The following SAMD4A variants were observed in gnomAD, a reference collection of about 807,000 sequenced individuals.
The protein encoded by SAMD4A is sterile alpha motif domain containing 4A, also known as protein Smaug homolog 1.
A neutral mutation model predicts 81.3 loss-of-function variants in SAMD4A; 33 were observed. That is an observed-to-expected ratio of 0.41 (90% CI 0.31 to 0.54). The LOEUF is 0.54. SAMD4A is among the 20% of genes least tolerant of loss of function. SAMD4A has a pLI of 0.37. For missense variants in SAMD4A, 854 were observed against 951.1 expected (o/e 0.90, Z 1.34); for synonymous variants, 389 against 382.1 (o/e 1.02, Z -0.21).
At chr14:54,689,024 C>T (rs145031276) in intron 2 of SAMD4A, among the ~76,000 whole-genome samples, 2 of 148,806 alleles carry the variant, frequency 1.3e-5, no homozygotes, top group East Asian at 3.9e-4. Context: ...CTCCTTCTCC[C>T]GAGTTCAAGC....
rs191726482 is a variant in SAMD4A, at chr14:54,649,565, G to A, written c.197-52497G>A. Among the ~76,000 whole-genome samples, 670 of 152,290 alleles carry A rather than the reference G, an allele frequency of 4.4e-3. 4 individuals are homozygous for A. The highest frequency in any genetic ancestry group is 6.7e-3 in the Non-Finnish European group (458 of 68,018). On this transcript the variant is annotated intron_variant, in intron 2 of 12. Coordinates refer to ENST00000554335, the MANE Select transcript of SAMD4A (RefSeq NM_015589.6). Reference sequence around the variant, plus strand: ...TTTAGTACCTGACGACATAGCAACTGGGTAGAAGTCAAGCTATAGGATGAC... The same window carrying A: ...TTTAGTACCTGACGACATAGCAACTAGGTAGAAGTCAAGCTATAGGATGAC...
intron 2 of SAMD4A, among the ~76,000 whole-genome samples, chr14:54,644,448 T>G (rs1341034730): frequency 2.6e-5 from 4 of 152,212 alleles, no homozygotes; most frequent in African/African-American, 9.6e-5. Flanking sequence ...TGACAGAAAT[T>G]CGTTCATTTC....
At position 54,695,403 on chromosome 14, in the gene SAMD4A, A is replaced by T. The variant is rs532932541; in HGVS notation, c.197-6659A>T. Among the ~76,000 whole-genome samples the T allele has an allele frequency of 2.0e-4, 30 of 152,356 alleles. No individual in the cohort carries two copies. The East Asian group carries it at 5.8e-3, about 29-fold the overall frequency. The stretch of plus-strand genomic sequence containing the variant: ...TGGCAGGAGGCCTGAACTCCTCCCC[A>T]TACAGGTCTCTCCCTGGGATGCCTG... On this transcript the variant is annotated intron_variant, in intron 2 of 12. Transcript: ENST00000554335.
chr14:54,610,966 A>G (rs984220082), intron 2 of SAMD4A, among the ~76,000 whole-genome samples: 2 of 152,248 alleles, frequency 1.3e-5, no homozygotes, highest in African/African-American at 4.8e-5. Flanking sequence ...GTTTCACCTA[A>G]TGATGATAGT....
At chr14:54,590,145 G>A (rs2033735012) in intron 2 of SAMD4A, among the ~76,000 whole-genome samples, 1 of 152,176 alleles carries the variant, frequency 6.6e-6, no homozygotes, top group Admixed American at 6.5e-5. Flanking sequence ...GCATGCTTGT[G>A]ATGTGTCTGG....
chr14:54,722,715 T>G (rs1406335103), intron 3 of SAMD4A, among the ~76,000 whole-genome samples: 4 of 152,208 alleles, frequency 2.6e-5, no homozygotes, highest in Non-Finnish European at 5.9e-5. Flanking sequence ...ATCATGTATT[T>G]AATGTTTCTT....
chr14:54,682,754 G>A (rs751831285), intron 2 of SAMD4A, among the ~76,000 whole-genome samples: 1 of 152,152 alleles, frequency 6.6e-6, no homozygotes, highest in Non-Finnish European at 1.5e-5. Context: ...AAATTAAAGC[G>A]TAAAAGGAAA....
At chr14:54,786,794 G>T in intron 12 of SAMD4A, among the ~76,000 whole-genome samples, 1 of 152,218 alleles carries the variant, frequency 6.6e-6, no homozygotes, top group Non-Finnish European at 1.5e-5. Context: ...TCATTGAAAA[G>T]ACTTCGTTTT....
intron 2 of SAMD4A, chr14:54,681,724 G>A (rs950996640): frequency 2.5e-5 from 23 of 913,098 alleles, no homozygotes; most frequent in African/African-American, 2.1e-4. Flanking sequence ...GAGCCACCAC[G>A]CCCTGCCTTT....
intron 2 of SAMD4A, among the ~76,000 whole-genome samples, chr14:54,673,797 T>A (rs188652907): frequency 1.3e-5 from 2 of 152,368 alleles, no homozygotes; most frequent in Non-Finnish European, 2.9e-5. Context: ...TTGACTGAGC[T>A]GAAGGGAGAT....
At chr14:54,626,059 T>TGTGCGCGCGCGC (rs368142521) in intron 2 of SAMD4A, among the ~76,000 whole-genome samples, 13 of 102,096 alleles carry the variant, frequency 1.3e-4, no homozygotes, top group Admixed American at 1.9e-4. Context: ...TGTGTGTGTG[T>TGTGCGCGCGCGC]GCGCGCGCGC....
chr14:54,782,932 G>C (rs922973279), intron 11 of SAMD4A, among the ~76,000 whole-genome samples: 2 of 152,196 alleles, frequency 1.3e-5, no homozygotes, highest in African/African-American at 4.8e-5. Context: ...GAGCAGGCAA[G>C]TGGCCTGCAG....
At chr14:54,687,896 G>A (rs2036319004) in intron 2 of SAMD4A, 2 of 963,892 alleles carry the variant, frequency 2.1e-6, no homozygotes, top group Non-Finnish European at 2.5e-6. Context: ...CCCTGAATGG[G>A]GCTGGGCTGC....
chr14:54,785,367 G>A (rs77373679), intron 12 of SAMD4A, among the ~76,000 whole-genome samples: 2,546 of 152,362 alleles, frequency 0.017, 40 homozygotes, highest in South Asian at 0.05. Context: ...CTCCCTCCTG[G>A]TACTAAGCGG....
At chr14:54,717,440 C>CAAAA (rs921636353) in intron 3 of SAMD4A, among the ~76,000 whole-genome samples, 1 of 98,914 alleles carries the variant, frequency 1.0e-5, no homozygotes, top group Non-Finnish European at 2.1e-5. Context: ...GACCCTGTCT[C>CAAAA]AAAAAAAAAA....
rs758756707 is a variant in SAMD4A, at chr14:54,702,288, T to C, written c.423T>C (p.Ser141=). ...CAGCCACTTCGTTAGAAGACCGTAGTGCTTTAGCCATGTGGCTGAATCACT... is the reference window on the plus strand; with the variant it reads ...CAGCCACTTCGTTAGAAGACCGTAGCGCTTTAGCCATGTGGCTGAATCACT... ...IHPATSLEDR[S]ALAMWLNHLE... Residue 141 remains serine (S), a synonymous_variant, in exon 3 of 13, where the codon AGT becomes AGC. Coordinates refer to ENST00000554335, the MANE Select transcript of SAMD4A (RefSeq NM_015589.6). 6.2e-7 allele frequency: 1 copy of C among 1,614,226 alleles called. No individual in the cohort carries two copies. Among genetic ancestry groups the C allele is most frequent in the East Asian group, 2.2e-5 (1 of 44,884 alleles).
intron 2 of SAMD4A, chr14:54,694,667 C>T (rs2036534535): frequency 1.0e-6 from 1 of 985,304 alleles, no homozygotes; most frequent in Admixed American, 6.2e-5. Flanking sequence ...GGGGAGCTGG[C>T]CTGGTTTTTG....
intron 2 of SAMD4A, among the ~76,000 whole-genome samples, chr14:54,620,624 G>A (rs535364451): frequency 1.3e-5 from 2 of 152,286 alleles, no homozygotes; most frequent in East Asian, 1.9e-4. Flanking sequence ...TTAGGTCTGA[G>A]ATCTTTATTT....
intron 2 of SAMD4A, among the ~76,000 whole-genome samples, chr14:54,661,123 A>G (rs2035634436): frequency 1.3e-5 from 2 of 152,212 alleles, no homozygotes; most frequent in Admixed American, 1.3e-4. Flanking sequence ...CAATTTCCTT[A>G]TCTGTCAAGC....
Sources: gnomAD v4.1 joint callset for allele counts (sites outside exome capture counted in the v4.1 genomes callset) on GRCh38, gnomAD v4.1.1 for gene constraint, MANE v1.5 for transcripts, NCBI Gene and HGNC (gene_info 2026-07-23, HGNC 2026-07-21) for gene names.